Variants in USH2A observed in about 807,000 individuals in gnomAD.
The protein encoded by USH2A is Usher syndrome 2A (autosomal recessive, mild).
Under a neutral mutation model 538.9 loss-of-function variants are expected in USH2A, and 443 were observed. The observed-to-expected ratio is 0.82, with a 90% CI of 0.76 to 0.89. USH2A has a LOEUF of 0.89. Among genes scored for constraint, USH2A ranks in the 40% least tolerant of loss-of-function variants. USH2A has a pLI of 0.00. For synonymous variants in USH2A, 2,413 were observed against 2,273.5 expected (o/e 1.06, Z -1.75); for missense variants, 6,633 against 6,324.8 (o/e 1.05, Z -1.65).
chr1:215,786,602 A>C, intron 52 of USH2A, 68 bp downstream of exon 52: 2 of 1,546,628 alleles, frequency 1.3e-6, no homozygotes, highest in Middle Eastern at 1.7e-4. Context: ...GAGTGAAATA[A>C]ATCTGCATTT....
chr1:215,949,552 A>T (rs1666859274), intron 37 of USH2A, among the ~76,000 whole-genome samples: 1 of 152,088 alleles, frequency 6.6e-6, no homozygotes, highest in Non-Finnish European at 1.5e-5. Context: ...TAAGATGTTG[A>T]AAGCACCACA....
chr1:216,213,677 T>C (rs144431808), intron 15 of USH2A, among the ~76,000 whole-genome samples: 3 of 151,532 alleles, frequency 2.0e-5, no homozygotes, highest in Admixed American at 2.0e-4. Context: ...ATTGAGTCAA[T>C]CCAAAATTTC....
intron 14 of USH2A, among the ~76,000 whole-genome samples, chr1:216,231,254 T>TGTGTATCCC (rs1558331764): frequency 2.0e-5 from 2 of 100,398 alleles, no homozygotes; most frequent in African/African-American, 6.5e-5. Flanking sequence ...ATATATTATA[T>TGTGTATCCC]ATATAATATA....
intron 3 of USH2A, among the ~76,000 whole-genome samples, chr1:216,410,940 T>C (rs564298695): frequency 6.6e-6 from 1 of 152,264 alleles, no homozygotes; most frequent in African/African-American, 2.4e-5. Flanking sequence ...CCCTTCACAC[T>C]TGTCTTCAAG....
intron 10 of USH2A, among the ~76,000 whole-genome samples, 184 bp downstream of exon 10, chr1:216,291,991 T>C (rs974403667): frequency 6.6e-6 from 1 of 152,242 alleles, no homozygotes; most frequent in Non-Finnish European, 1.5e-5. Context: ...TAGAGTGCTA[T>C]TTCTGAAAAC....
At chr1:215,676,585 A>G (rs762189868) in intron 62 of USH2A, among the ~76,000 whole-genome samples, 17 of 152,108 alleles carry the variant, frequency 1.1e-4, no homozygotes, top group Non-Finnish European at 2.2e-4. Flanking sequence ...ATTTAGACTA[A>G]ATTGTTAACA....
chr1:216,241,357 C>T (rs2035933879), intron 13 of USH2A, among the ~76,000 whole-genome samples: 1 of 152,086 alleles, frequency 6.6e-6, no homozygotes, highest in Admixed American at 6.5e-5. Context: ...GGGCTCTTTA[C>T]ATTTTATTTG....
At chr1:215,827,947 A>G (rs1240700608) in intron 47 of USH2A, among the ~76,000 whole-genome samples, 1 of 152,206 alleles carries the variant, frequency 6.6e-6, no homozygotes, top group Non-Finnish European at 1.5e-5. Context: ...CTGTAAAATC[A>G]TTACTTCAGT....
chr1:215,999,566 G>T (rs2102482439), intron 33 of USH2A, among the ~76,000 whole-genome samples: 1 of 152,268 alleles, frequency 6.6e-6, no homozygotes, highest in South Asian at 2.1e-4. Flanking sequence ...AGATGGATTG[G>T]ATTTGGATAG....
intron 22 of USH2A, 78 bp downstream of exon 22, chr1:216,097,005 G>T: frequency 1.4e-6 from 2 of 1,382,508 alleles, no homozygotes; most frequent in Non-Finnish European, 2.0e-6. Context: ...GATTCAGTGT[G>T]AAAACAGAAG....
intron 11 of USH2A, among the ~76,000 whole-genome samples, chr1:216,283,609 T>C (rs2036827174): frequency 6.6e-6 from 1 of 152,238 alleles, no homozygotes; most frequent in Non-Finnish European, 1.5e-5. Flanking sequence ...TATTTGGATA[T>C]AGTATTTTTA....
chr1:215,911,924 A>T (rs1004829674), intron 38 of USH2A, among the ~76,000 whole-genome samples: 4 of 152,030 alleles, frequency 2.6e-5, no homozygotes, highest in Non-Finnish European at 5.9e-5. Context: ...GTGAGATGAA[A>T]TCTCATTATA....
chr1:215,939,105 A>T (rs1666573038), intron 37 of USH2A, among the ~76,000 whole-genome samples: 1 of 152,214 alleles, frequency 6.6e-6, no homozygotes, highest in Admixed American at 6.5e-5. Flanking sequence ...CAATTTGAAA[A>T]ATAAGTAATT....
chr1:215,945,655 T>C (rs552901329), intron 37 of USH2A, among the ~76,000 whole-genome samples: 2 of 152,262 alleles, frequency 1.3e-5, no homozygotes. Flanking sequence ...TTGTGGGGCT[T>C]CCATTGTCAG....
intron 24 of USH2A, among the ~76,000 whole-genome samples, chr1:216,085,774 T>C (rs2032111057): frequency 6.6e-6 from 1 of 151,534 alleles, no homozygotes; most frequent in Non-Finnish European, 1.5e-5. Context: ...TCTCTGTCAG[T>C]CTCAAGTAGT....
chr1:216,136,812 G>A (rs1372439375), intron 21 of USH2A, among the ~76,000 whole-genome samples: 1 of 152,106 alleles, frequency 6.6e-6, no homozygotes, highest in Non-Finnish European at 1.5e-5. Flanking sequence ...CACTGCAAAA[G>A]GAACATCAAA....
chr1:215,918,192 CAA>C (rs1666009817), intron 38 of USH2A, among the ~76,000 whole-genome samples: 1 of 152,028 alleles, frequency 6.6e-6, no homozygotes, highest in Non-Finnish European at 1.5e-5. Flanking sequence ...ATATAATATT[CAA>C]GTTTATTAAT....
chr1:215,841,822 C>T (rs1663685243), intron 46 of USH2A, among the ~76,000 whole-genome samples: 1 of 151,718 alleles, frequency 6.6e-6, no homozygotes, highest in South Asian at 2.1e-4. Context: ...TATCTAGAAT[C>T]TATAAGAAAC....
intron 52 of USH2A, among the ~76,000 whole-genome samples, chr1:215,784,137 G>C (rs1372696087): frequency 2.6e-5 from 4 of 152,114 alleles, no homozygotes; most frequent in African/African-American, 4.8e-5. Flanking sequence ...ATCCTGGTCA[G>C]AGGCCTCCTG....
Sources: allele counts gnomAD v4.1 joint callset (sites outside exome capture counted in the v4.1 genomes callset), GRCh38; gene constraint gnomAD v4.1.1; transcripts MANE v1.5; gene names NCBI Gene and HGNC (gene_info 2026-07-23, HGNC 2026-07-21).